TBC1D5: variants seen among roughly 807,000 people sequenced by gnomAD.
TBC1D5 encodes TBC1 domain family member 5, also known as TBC1 domain family, member 5.
A neutral mutation model predicts 100.3 loss-of-function variants in TBC1D5; 75 were observed. That is an observed-to-expected ratio of 0.75 (90% CI 0.62 to 0.91). The LOEUF (loss-of-function observed/expected upper bound fraction) is 0.91. Among genes scored for constraint, TBC1D5 ranks in the 40% least tolerant of loss-of-function variants. The pLI, the probability that TBC1D5 is intolerant of heterozygous loss-of-function variation, is 0.00. For synonymous variants in TBC1D5, 323 were observed against 325.6 expected (o/e 0.99, Z 0.09); for missense variants, 910 against 942.4 (o/e 0.97, Z 0.45).
intron 2 of TBC1D5, among the ~76,000 whole-genome samples, chr3:17,585,205 A>T (rs2096725433): frequency 6.6e-6 from 1 of 152,226 alleles, no homozygotes; most frequent in Non-Finnish European, 1.5e-5. Flanking sequence ...TTAAAAAGAT[A>T]CAAATGTTAA....
At chr3:17,494,016 T>C (rs2095670906) in intron 3 of TBC1D5, among the ~76,000 whole-genome samples, 1 of 152,218 alleles carries the variant, frequency 6.6e-6, no homozygotes, top group South Asian at 2.1e-4. Flanking sequence ...CTGACTAGTT[T>C]TCAGCGTTTT....
At chr3:17,436,992 G>C (rs902757777) in intron 3 of TBC1D5, among the ~76,000 whole-genome samples, 1 of 152,170 alleles carries the variant, frequency 6.6e-6, no homozygotes, top group African/African-American at 2.4e-5. Flanking sequence ...AATACACAAT[G>C]CAACAGTGTT....
chr3:17,352,893 C>T (rs980148681), intron 13 of TBC1D5, among the ~76,000 whole-genome samples: 15 of 151,984 alleles, frequency 9.9e-5, no homozygotes, highest in African/African-American at 3.4e-4. Flanking sequence ...TCCAACCTAC[C>T]GCTGTGCCCA....
At chr3:17,618,846 CT>C (rs2062409870) in intron 2 of TBC1D5, among the ~76,000 whole-genome samples, 3 of 152,332 alleles carry the variant, frequency 2.0e-5, no homozygotes, top group African/African-American at 4.8e-5. Flanking sequence ...TCCTCGACCC[CT>C]TGCACTTTCC....
intron 15 of TBC1D5, among the ~76,000 whole-genome samples, chr3:17,284,123 C>CACACACACACACACAT (rs397973475): frequency 2.0e-5 from 3 of 150,704 alleles, no homozygotes; most frequent in Admixed American, 6.6e-5. Flanking sequence ...CACACACACA[C>CACACACACACACACAT]GTATTTTTAA....
intron 9 of TBC1D5, among the ~76,000 whole-genome samples, chr3:17,381,204 A>G (rs2092930658): frequency 6.6e-6 from 1 of 152,066 alleles, no homozygotes; most frequent in Non-Finnish European, 1.5e-5. Context: ...TTCTATACAA[A>G]TGCAGTGGGC....
In TBC1D5 at chr3:17,515,355, G is replaced by A. The variant is rs371336732; in HGVS notation, c.-35-6750C>T. Among the ~76,000 whole-genome samples, 8 of 152,246 alleles carry A rather than the reference G, an allele frequency of 5.3e-5. No individual in the cohort carries two copies. In the South Asian group the frequency reaches 6.2e-4, roughly 12 times the overall value. On this transcript the variant is annotated intron_variant, in intron 2 of 21. Transcript: ENST00000253692. ...TAGTAGGGCTGGGAAACCTAAGGAC[G>A]TTTTAGTACTTCCTTTAGTTGAAAG... is the stretch of plus-strand genomic sequence containing the variant.
intron 1 of TBC1D5, among the ~76,000 whole-genome samples, chr3:17,691,585 A>C (rs2071167599): frequency 6.6e-6 from 1 of 152,182 alleles, no homozygotes; most frequent in Admixed American, 6.5e-5. Context: ...TTGGGAGGCC[A>C]AAGCGGGTGG....
intron 8 of TBC1D5, among the ~76,000 whole-genome samples, chr3:17,399,124 T>A (rs1214722759): frequency 6.6e-6 from 1 of 152,010 alleles, no homozygotes; most frequent in Non-Finnish European, 1.5e-5. Flanking sequence ...ACCTGTTCAT[T>A]GAATAATGCC....
intron 1 of TBC1D5, among the ~76,000 whole-genome samples, chr3:17,633,547 AAAT>A (rs1560332814): frequency 6.6e-6 from 1 of 152,206 alleles, no homozygotes; most frequent in Admixed American, 6.5e-5. Flanking sequence ...GATGAAAAAA[AAAT>A]AATAATGCTG....
At chr3:17,679,137 A>G (rs1577416252) in intron 1 of TBC1D5, among the ~76,000 whole-genome samples, 2 of 151,206 alleles carry the variant, frequency 1.3e-5, no homozygotes, top group East Asian at 1.9e-4. Flanking sequence ...AAGGTATCCA[A>G]TCTCTGAGGA....
chr3:17,661,476 T>C (rs1311313413), intron 1 of TBC1D5, among the ~76,000 whole-genome samples: 1 of 151,694 alleles, frequency 6.6e-6, no homozygotes, highest in African/African-American at 2.4e-5. Flanking sequence ...TTTTTCTATA[T>C]GATTTTTCCC....
At chr3:17,578,037 C>T (rs567421716) in intron 2 of TBC1D5, among the ~76,000 whole-genome samples, 3 of 151,970 alleles carry the variant, frequency 2.0e-5, no homozygotes, top group South Asian at 2.1e-4. Flanking sequence ...AACAGGAAAC[C>T]CATTGTAATC....
chr3:17,612,797 C>A (rs1194831319), intron 2 of TBC1D5, among the ~76,000 whole-genome samples: 1 of 148,380 alleles, frequency 6.7e-6, no homozygotes, highest in Admixed American at 6.7e-5. Flanking sequence ...AGCAAGGTAG[C>A]AGGATACAAA....
At chr3:17,570,756 G>GTA (rs1489566280) in intron 2 of TBC1D5, among the ~76,000 whole-genome samples, 2 of 151,710 alleles carry the variant, frequency 1.3e-5, no homozygotes, top group African/African-American at 4.8e-5. Context: ...ACATTTTATT[G>GTA]TACTGCAGTA....
At chr3:17,714,789 C>T (rs1007773283) in intron 1 of TBC1D5, among the ~76,000 whole-genome samples, 1 of 152,060 alleles carries the variant, frequency 6.6e-6, no homozygotes, top group African/African-American at 2.4e-5. Flanking sequence ...CATAGTGAGA[C>T]CCCATCTCTT....
At chr3:17,415,586 A>G (rs1049962887) in intron 4 of TBC1D5, among the ~76,000 whole-genome samples, 4 of 152,190 alleles carry the variant, frequency 2.6e-5, no homozygotes, top group Non-Finnish European at 5.9e-5. Context: ...AAGGAAACCA[A>G]GAAAAGCAGT....
rs1271731831 is a variant in TBC1D5, at chr3:17,445,434, A to G, written c.98-16915T>C. ...ATTCGTATAAAAGTGAAATAAAAAGATATATAATATATAAGCCTCAATATT... is the reference window on the plus strand; with the variant it reads ...ATTCGTATAAAAGTGAAATAAAAAGGTATATAATATATAAGCCTCAATATT... On this transcript the variant is annotated intron_variant, in intron 3 of 21. Transcript: ENST00000253692. 2.0e-5 allele frequency among the ~76,000 whole-genome samples: 3 copies of G among 152,116 alleles called. No homozygotes were observed. In the East Asian group the frequency reaches 5.8e-4, roughly 29 times the overall value.
At chr3:17,573,725 G>T (rs565569790) in intron 2 of TBC1D5, among the ~76,000 whole-genome samples, 1 of 151,510 alleles carries the variant, frequency 6.6e-6, no homozygotes, top group Non-Finnish European at 1.5e-5. Flanking sequence ...ATATACATTC[G>T]GCCTGCACAC....
Sources: allele counts gnomAD v4.1 joint callset (sites outside exome capture counted in the v4.1 genomes callset), GRCh38; gene constraint gnomAD v4.1.1; transcripts MANE v1.5; gene names NCBI Gene and HGNC (gene_info 2026-07-23, HGNC 2026-07-21).